SNX31: variants seen among roughly 807,000 people sequenced by gnomAD.
SNX31 encodes the protein sorting nexin 31.
Under a neutral mutation model 65.4 loss-of-function variants are expected in SNX31, and 58 were observed. That is an observed-to-expected ratio of 0.89 (90% CI 0.72 to 1.10). The LOEUF (loss-of-function observed/expected upper bound fraction) is 1.10. Among genes scored for constraint, SNX31 ranks in the 50% least tolerant of loss-of-function variants. SNX31 has a pLI of 0.00. For missense variants in SNX31, 523 were observed against 529.7 expected (o/e 0.99, Z 0.12); for synonymous variants, 181 against 190.1 (o/e 0.95, Z 0.39).
chr8:100,623,937 CAT>C (rs1252735038), intron 4 of SNX31, among the ~76,000 whole-genome samples: 1 of 144,488 alleles, frequency 6.9e-6, no homozygotes, highest in Non-Finnish European at 1.5e-5. Flanking sequence ...GGAGTTTAGT[CAT>C]ATGTTTTGAG....
chr8:100,657,148 T>C (rs1820064758), intron 1 of SNX31, among the ~76,000 whole-genome samples: 1 of 151,502 alleles, frequency 6.6e-6, no homozygotes, highest in Non-Finnish European at 1.5e-5. Flanking sequence ...TAATCAGGCA[T>C]GGGAAGTAAA....
chr8:100,620,619 C>T (rs1817614732), intron 4 of SNX31, among the ~76,000 whole-genome samples: 1 of 152,146 alleles, frequency 6.6e-6, no homozygotes, highest in Admixed American at 6.5e-5. Flanking sequence ...GTATATAGCA[C>T]ATCATTTATG....
rs1446233053 is a variant in SNX31, at chr8:100,609,653, G to A, written c.612-1090C>T. On this transcript the variant is annotated intron_variant, in intron 7 of 13. Transcript: ENST00000311812. This position sits in a 1 kb window ranked among gnomAD's most constrained non-coding sequence, Gnocchi z 4.9. The stretch of plus-strand genomic sequence containing the variant: ...AAGCAGAGTTGCTATGCTCAGAATA[G>A]GGTGAATAGACCAATGGGGTTGGCT... Among the ~76,000 whole-genome samples the A allele has an allele frequency of 1.3e-5, 2 of 152,132 alleles. No homozygotes were observed. The highest frequency in any genetic ancestry group is 4.8e-5 in the African/African-American group (2 of 41,416).
intron 2 of SNX31, among the ~76,000 whole-genome samples, chr8:100,645,390 T>C (rs7825214): frequency 0.065 from 9,962 of 152,218 alleles, 453 homozygotes; most frequent in Non-Finnish European, 0.095. Flanking sequence ...AAATAAAAAC[T>C]AGCTGAGAAA....
At position 100,596,862 on chromosome 8, in the gene SNX31, G is replaced by A. The variant is rs898807916; in HGVS notation, c.775-20C>T. 1 of 1,610,874 alleles carries A rather than the reference G, an allele frequency of 6.2e-7. No individual in the cohort carries two copies. The highest frequency in any genetic ancestry group is 8.5e-7 in the Non-Finnish European group (1 of 1,178,074). On this transcript the variant is annotated intron_variant, in intron 9 of 13. Transcript: ENST00000311812. ...CAAAAACTGCTCCAAAGAGGGTGAT[G>A]TGGGGGGAGGGGAGGCAAGAGGAAG... is the stretch of plus-strand genomic sequence containing the variant.
chr8:100,621,394 A>G (rs564395854), intron 4 of SNX31, among the ~76,000 whole-genome samples: 1 of 152,348 alleles, frequency 6.6e-6, no homozygotes, highest in East Asian at 1.9e-4. Flanking sequence ...GCCTCTCTCC[A>G]TGTAGAAGAG....
chr8:100,650,901 G>C (rs1383257103), upstream of SNX31, among the ~76,000 whole-genome samples: 1 of 146,864 alleles, frequency 6.8e-6, no homozygotes, highest in Admixed American at 6.9e-5. Context: ...TGCCCAGGCT[G>C]GAGTGCAATG....
At chr8:100,663,279 T>C (rs1361133813) in exon 1 of SNX31, 1 of 152,102 alleles carries the variant, frequency 6.6e-6, no homozygotes, top group Middle Eastern at 3.2e-3. Flanking sequence ...GATAAATAAA[T>C]GAAAATTAGG....
intron 1 of SNX31, among the ~76,000 whole-genome samples, chr8:100,656,556 T>G (rs1252912625): frequency 7.0e-6 from 1 of 143,826 alleles, no homozygotes; most frequent in Non-Finnish European, 1.5e-5. Flanking sequence ...CGGGAGAATC[T>G]CTTGAACCTG....
chr8:100,607,506 C>T (rs1337920532), intron 8 of SNX31, among the ~76,000 whole-genome samples: 1 of 152,066 alleles, frequency 6.6e-6, no homozygotes, highest in African/African-American at 2.4e-5. Flanking sequence ...CAGGGTCTAC[C>T]TAGTGCAAAA....
chr8:100,641,996 G>A (rs1327486680), intron 2 of SNX31, among the ~76,000 whole-genome samples: 2 of 151,830 alleles, frequency 1.3e-5, no homozygotes, highest in Non-Finnish European at 1.5e-5. Context: ...GGAGAATGGC[G>A]CGAACCCGGG....
chr8:100,637,706 A>C (rs1397172689), intron 2 of SNX31, among the ~76,000 whole-genome samples: 1 of 151,886 alleles, frequency 6.6e-6, no homozygotes, highest in African/African-American at 2.4e-5. Context: ...ATTTTATTTT[A>C]TCTTTTTGAG....
In SNX31 at chr8:100,578,369, C is replaced by G. The variant is rs1237219414; in HGVS notation, c.1171-1294G>C. On this transcript the variant is annotated intron_variant, in intron 12 of 13. Transcript: ENST00000311812. The surrounding 1 kb of genome is among the most constrained non-coding windows in gnomAD (Gnocchi z 4.7). ...TTGTCAACGTCTCTGTATTAATCGC[C>G]TTTCTCCTCCAACATATTAGCTCTT... 6.6e-6 allele frequency among the ~76,000 whole-genome samples: 1 copy of G among 152,246 alleles called. No individual in the cohort carries two copies. Among genetic ancestry groups the G allele is most frequent in the Non-Finnish European group, 1.5e-5 (1 of 68,046 alleles).
At chr8:100,611,454 G>C (rs1478308682) in intron 7 of SNX31, among the ~76,000 whole-genome samples, 1 of 151,764 alleles carries the variant, frequency 6.6e-6, no homozygotes, top group Non-Finnish European at 1.5e-5. Context: ...ACCCCACCCC[G>C]CCCTGAGTAT....
At chr8:100,620,413 C>T (rs186930824) in intron 4 of SNX31, among the ~76,000 whole-genome samples, 9 of 152,298 alleles carry the variant, frequency 5.9e-5, no homozygotes, top group Non-Finnish European at 1.0e-4. Flanking sequence ...GCTTATTTTT[C>T]GTCATTTCAT....
Position 100,630,321 on chromosome 8 carries a change from G to T in SNX31, c.321+6C>A, listed in dbSNP as rs1818328012. ...TGATGGCCCCATTAAAGAAGAGCAA[G>T]CTTACCAGCTGCGCCAGTTTTAAAA... On this transcript the variant is annotated splice_donor_region_variant and intron_variant, in intron 4 of 13. Transcript: ENST00000311812. This position sits in a 1 kb window ranked among gnomAD's most constrained non-coding sequence, Gnocchi z 5.3. 1.9e-6 allele frequency: 3 copies of T among 1,613,218 alleles called. No homozygotes were observed. The African/African-American group carries it at 4.0e-5, about 22-fold the overall frequency.
chr8:100,637,276 G>A (rs1161793194), intron 2 of SNX31, among the ~76,000 whole-genome samples: 1 of 152,182 alleles, frequency 6.6e-6, no homozygotes, highest in African/African-American at 2.4e-5. Flanking sequence ...GTAAGGCACA[G>A]ATTCATTCTC....
chr8:100,590,129 G>A (rs1381233302), intron 10 of SNX31, among the ~76,000 whole-genome samples: 2 of 152,182 alleles, frequency 1.3e-5, no homozygotes, highest in Non-Finnish European at 2.9e-5. Flanking sequence ...AGTCCAATGT[G>A]TTGGTTTCTA....
At chr8:100,657,693 A>C (rs1047772959) in intron 1 of SNX31, 5 of 455,866 alleles carry the variant, frequency 1.1e-5, no homozygotes, top group South Asian at 3.1e-5. Context: ...ATACAGGTGA[A>C]GATCAGGGTC....
Sources: gnomAD v4.1 joint callset for allele counts (sites outside exome capture counted in the v4.1 genomes callset) on GRCh38, gnomAD v4.1.1 for gene constraint, Gnocchi (gnomAD v3.1) non-coding constraint, MANE v1.5 for transcripts, NCBI Gene and HGNC (gene_info 2026-07-23, HGNC 2026-07-21) for gene names.